The following ABCB5 variants were observed in gnomAD, a reference collection of about 807,000 sequenced individuals.
ABCB5 encodes the protein ATP-binding cassette sub-family B member 5.
Under a neutral mutation model 144.2 loss-of-function variants are expected in ABCB5, and 155 were observed. The observed-to-expected ratio is 1.08, with a 90% CI of 0.94 to 1.23. The LOEUF is 1.23. ABCB5 is among the 50% of genes most tolerant of loss of function. ABCB5 has a pLI of 0.00. For missense variants in ABCB5, 1,830 were observed against 1,520.8 expected (o/e 1.20, Z -3.38); for synonymous variants, 610 against 528.6 (o/e 1.15, Z -2.11).
At chr7:20,706,599 C>T (rs1044132435) in intron 20 of ABCB5, among the ~76,000 whole-genome samples, 1 of 152,190 alleles carries the variant, frequency 6.6e-6, no homozygotes, top group Non-Finnish European at 1.5e-5. Flanking sequence ...GTGCTGGTCT[C>T]ACAATAACTT....
chr7:20,708,315 G>A (rs1376794120), intron 20 of ABCB5, among the ~76,000 whole-genome samples: 1 of 152,118 alleles, frequency 6.6e-6, no homozygotes, highest in Admixed American at 6.6e-5. Flanking sequence ...TTTAGTATTT[G>A]ATAATAGTGG....
chr7:20,623,426 T>C, intron 2 of ABCB5, 88 bp downstream of exon 2: 1 of 1,141,550 alleles, frequency 8.8e-7, no homozygotes, highest in Non-Finnish European at 1.3e-6. Flanking sequence ...ATGTTTATAA[T>C]TTTTTCCCAA....
At chr7:20,698,986 A>T (rs916582865) in intron 17 of ABCB5, among the ~76,000 whole-genome samples, 1 of 152,206 alleles carries the variant, frequency 6.6e-6, no homozygotes, top group African/African-American at 2.4e-5. Context: ...AGGATCTTAC[A>T]AGATCCATGC....
intron 14 of ABCB5, chr7:20,666,695 T>G: frequency 6.4e-7 from 1 of 1,557,912 alleles, no homozygotes; most frequent in Non-Finnish European, 8.7e-7. Flanking sequence ...GGCTTTTAGC[T>G]TTGTGTAATC....
At chr7:20,646,249 C>A in intron 9 of ABCB5, 111 bp downstream of exon 9, 2 of 1,065,834 alleles carry the variant, frequency 1.9e-6, no homozygotes, top group Non-Finnish European at 2.6e-6. Flanking sequence ...TTTTATTAAA[C>A]AAATATTTGT....
chr7:20,623,920 T>C (rs556684935), intron 2 of ABCB5, among the ~76,000 whole-genome samples: 4 of 152,228 alleles, frequency 2.6e-5, no homozygotes, highest in Non-Finnish European at 5.9e-5. Context: ...AGTTTATTAA[T>C]TCAGAAAATA....
rs140139614 is a variant in ABCB5 at position 20,658,746 on chromosome 7, T to G, written c.1707+70T>G. On this transcript the variant is annotated intron_variant, in intron 14 of 27. Coordinates refer to ENST00000404938, the MANE Select transcript of ABCB5 (RefSeq NM_001163941.2). ...TATTGTTTTGAAGTACAAGAAAGTATAGATCTGTAATAGATTACTCAAGTT... is the reference window on the plus strand; with the variant it reads ...TATTGTTTTGAAGTACAAGAAAGTAGAGATCTGTAATAGATTACTCAAGTT... 4.1e-4 allele frequency: 636 copies of G among 1,544,628 alleles called. 8 individuals are homozygous for G. The East Asian group carries it at 0.013, about 32-fold the overall frequency.
chr7:20,715,671 A>C (rs1781650534), intron 20 of ABCB5, among the ~76,000 whole-genome samples: 1 of 151,484 alleles, frequency 6.6e-6, no homozygotes, highest in South Asian at 2.1e-4. Flanking sequence ...GGGCCTCCCA[A>C]AGTGCTGGGA....
intron 16 of ABCB5, among the ~76,000 whole-genome samples, chr7:20,687,388 C>G (rs17143260): frequency 6.6e-6 from 1 of 152,120 alleles, no homozygotes; most frequent in Non-Finnish European, 1.5e-5. Context: ...CACATGGAAA[C>G]TGATAAAATA....
At chr7:20,618,190 C>G (rs892723850) in intron 1 of ABCB5, among the ~76,000 whole-genome samples, 6 of 152,168 alleles carry the variant, frequency 3.9e-5, no homozygotes, top group Non-Finnish European at 7.4e-5. Context: ...CTGTATCCCT[C>G]TCATTAGCTG....
At chr7:20,687,637 T>C (rs1057397153) in intron 16 of ABCB5, among the ~76,000 whole-genome samples, 1 of 152,100 alleles carries the variant, frequency 6.6e-6, no homozygotes, top group Admixed American at 6.5e-5. Context: ...CGAAATAAGC[T>C]AAGGAGTGAC....
intron 20 of ABCB5, among the ~76,000 whole-genome samples, chr7:20,707,452 C>A (rs10488577): frequency 0.11 from 17,022 of 152,178 alleles, 1,367 homozygotes; most frequent in East Asian, 0.41. Flanking sequence ...AGACTATTTT[C>A]TGTGTAATAT....
intron 3 of ABCB5, among the ~76,000 whole-genome samples, chr7:20,627,159 A>G (rs1783927373): frequency 6.6e-6 from 1 of 152,096 alleles, no homozygotes; most frequent in African/African-American, 2.4e-5. Flanking sequence ...CATGGTCTTC[A>G]CCCACTCTAA....
At chr7:20,677,045 T>G (rs533091406) in intron 14 of ABCB5, among the ~76,000 whole-genome samples, 26 of 152,366 alleles carry the variant, frequency 1.7e-4, no homozygotes, top group African/African-American at 5.8e-4. Context: ...TTATTATAGT[T>G]ACATCCATCA....
intron 11 of ABCB5, among the ~76,000 whole-genome samples, chr7:20,649,245 T>G (rs1784505744): frequency 6.6e-6 from 1 of 152,190 alleles, no homozygotes; most frequent in African/African-American, 2.4e-5. Flanking sequence ...TTTTCTCGGC[T>G]TGGCCCTCTG....
intron 1 of ABCB5, among the ~76,000 whole-genome samples, chr7:20,622,517 T>C (rs528904265): frequency 3.3e-5 from 5 of 152,218 alleles, no homozygotes; most frequent in African/African-American, 1.2e-4. Context: ...TTTAATTAAT[T>C]TGTAATTCCA....
chr7:20,727,599 G>T (rs905322611), intron 22 of ABCB5, among the ~76,000 whole-genome samples: 2 of 152,006 alleles, frequency 1.3e-5, no homozygotes, highest in Non-Finnish European at 1.5e-5. Flanking sequence ...GCTGGGTGTG[G>T]TGGTGCACAC....
chr7:20,712,583 G>C (rs964773995), intron 20 of ABCB5, among the ~76,000 whole-genome samples: 1 of 149,274 alleles, frequency 6.7e-6, no homozygotes, highest in Non-Finnish European at 1.5e-5. Flanking sequence ...ATTTTGAATA[G>C]TTTCTATGCC....
At chr7:20,690,781 T>A (rs1193732721) in intron 16 of ABCB5, among the ~76,000 whole-genome samples, 1 of 152,032 alleles carries the variant, frequency 6.6e-6, no homozygotes, top group Non-Finnish European at 1.5e-5. Context: ...AAGTCACTAG[T>A]GAAGGGATCC....
Sources: gnomAD v4.1 joint callset for allele counts (sites outside exome capture counted in the v4.1 genomes callset) on GRCh38, gnomAD v4.1.1 for gene constraint, MANE v1.5 for transcripts, NCBI Gene and HGNC (gene_info 2026-07-23, HGNC 2026-07-21) for gene names.